The following HCRTR2 variants were observed in gnomAD, a reference collection of about 807,000 sequenced individuals.
The protein encoded by HCRTR2 is hypocretin receptor 2.
In HCRTR2, 22 loss-of-function variants were observed where a neutral mutation model predicts 49.0. The observed-to-expected ratio is 0.45, with a 90% confidence interval of 0.32 to 0.64. The LOEUF is 0.64. Among genes scored for constraint, HCRTR2 ranks in the 30% least tolerant of loss-of-function variants. HCRTR2 has a pLI of 0.04. For synonymous variants in HCRTR2, 236 were observed against 205.3 expected (o/e 1.15, Z -1.28); for missense variants, 491 against 559.4 (o/e 0.88, Z 1.23).
chr6:55,215,864 T>A (rs564493615), intron 1 of HCRTR2, among the ~76,000 whole-genome samples: 1 of 152,350 alleles, frequency 6.6e-6, no homozygotes, highest in South Asian at 2.1e-4. Flanking sequence ...TCCATTTTTA[T>A]TTTGCTATAA....
intron 1 of HCRTR2, among the ~76,000 whole-genome samples, chr6:55,141,627 A>G (rs1438504198): frequency 6.6e-6 from 1 of 152,190 alleles, no homozygotes; most frequent in African/African-American, 2.4e-5. Context: ...GATATATCCC[A>G]AATGGATAAT....
Position 55,253,692 on chromosome 6 carries a change from C to T in HCRTR2, c.403-1444C>T, listed in dbSNP as rs141016834. On this transcript the variant is annotated intron_variant, in intron 2 of 6. Coordinates refer to ENST00000370862, the MANE Select transcript of HCRTR2 (RefSeq NM_001384272.1). Reference sequence around the variant, plus strand: ...TACATATACACCATGGAATACTATGCAACCATAAAAAAGAATGAGATCATG... The same window carrying T: ...TACATATACACCATGGAATACTATGTAACCATAAAAAAGAATGAGATCATG... Among the ~76,000 whole-genome samples the T allele has an allele frequency of 3.1e-3, 470 of 152,206 alleles. 2 individuals carry two copies. Among genetic ancestry groups the T allele is most frequent in the African/African-American group, 0.011 (438 of 41,526 alleles).
chr6:55,238,683 G>C (rs1365906430), intron 1 of HCRTR2, among the ~76,000 whole-genome samples: 2 of 152,128 alleles, frequency 1.3e-5, no homozygotes, highest in South Asian at 4.1e-4. Flanking sequence ...GTAGGAGAGA[G>C]AGCCAAGAAC....
chr6:55,255,433 A>G, intron 3 of HCRTR2, 54 bp downstream of exon 3: 1 of 1,598,908 alleles, frequency 6.3e-7, no homozygotes, highest in Non-Finnish European at 8.6e-7. Flanking sequence ...GCAAATTGAA[A>G]ATTGGATTAG....
chr6:55,129,153 C>T (rs1764320596), intron 1 of HCRTR2, among the ~76,000 whole-genome samples: 1 of 152,126 alleles, frequency 6.6e-6, no homozygotes, highest in Non-Finnish European at 1.5e-5. Context: ...TTAATCAACT[C>T]TCCTACGTTT....
rs116125750 is a variant in HCRTR2 at position 55,259,997 on chromosome 6, A to T, written c.647-3710A>T. Among the ~76,000 whole-genome samples, 683 of 152,242 alleles carry T rather than the reference A, an allele frequency of 4.5e-3. 8 individuals are homozygous for T. Among genetic ancestry groups the T allele is most frequent in the African/African-American group, 0.016 (644 of 41,546 alleles). ...ACAATCTATCCTACCCTGGAAGGAT[A>T]ATTTTGCTTGATCTTTTTTCCATAT... On this transcript the variant is annotated intron_variant, in intron 3 of 6. Coordinates refer to ENST00000370862, the MANE Select transcript of HCRTR2 (RefSeq NM_001384272.1).
At chr6:55,153,019 G>T (rs1764683494) in intron 1 of HCRTR2, among the ~76,000 whole-genome samples, 1 of 151,862 alleles carries the variant, frequency 6.6e-6, no homozygotes, top group Non-Finnish European at 1.5e-5. Context: ...GGAGCTTATG[G>T]TCATCTTTTA....
At chr6:55,199,115 G>T (rs1368131153) in intron 1 of HCRTR2, among the ~76,000 whole-genome samples, 1 of 152,174 alleles carries the variant, frequency 6.6e-6, no homozygotes, top group Non-Finnish European at 1.5e-5. Context: ...TCTGAAAGGA[G>T]AATTAGGTTA....
intron 1 of HCRTR2, among the ~76,000 whole-genome samples, chr6:55,196,483 C>G (rs563409369): frequency 6.6e-6 from 1 of 152,286 alleles, no homozygotes; most frequent in East Asian, 1.9e-4. Flanking sequence ...ACATTAAAAA[C>G]AAATCATCTA....
intron 1 of HCRTR2, among the ~76,000 whole-genome samples, chr6:55,123,758 CA>C (rs879190099): frequency 6.6e-6 from 1 of 151,960 alleles, no homozygotes; most frequent in Non-Finnish European, 1.5e-5. Context: ...TCTGGTCCTG[CA>C]CTTATTTTGG....
intron 1 of HCRTR2, among the ~76,000 whole-genome samples, chr6:55,167,069 T>C (rs1764887884): frequency 6.6e-6 from 1 of 152,124 alleles, no homozygotes; most frequent in South Asian, 2.1e-4. Flanking sequence ...GAATTAGTAG[T>C]GCTGATGGTG....
rs755844571 is a variant in HCRTR2, at chr6:55,174,612, TC to T, written c.32del (p.Pro11LeufsTer11). On this transcript the variant is annotated frameshift_variant, in exon 1 of 7. Transcript: ENST00000370862. LOFTEE classifies it high-confidence loss of function. The stretch of plus-strand genomic sequence containing the variant: ...GATGTCCGGCACCAAATTGGAGGAC[TC>T]CCCCCCTTGTCGCAACTGGTCATCT... MSGTKLED[S>X]PPCRNWSSAS... The T allele has an allele frequency of 1.1e-5, 18 of 1,613,406 alleles. No homozygotes were observed. Among genetic ancestry groups the T allele is most frequent in the Non-Finnish European group, 1.5e-5 (18 of 1,179,842 alleles).
rs1554171107 is a variant in HCRTR2, at chr6:55,192,413, GCACACA to G, written c.223+17624_223+17629del. Among the ~76,000 whole-genome samples, 210 of 128,520 alleles carry G rather than the reference GCACACA, an allele frequency of 1.6e-3. 4 individuals carry two copies. In the East Asian group the frequency reaches 0.017, roughly 10 times the overall value. The allele number at this position is 128,520 out of a possible 152,430, so 84.3% of individuals were successfully genotyped here. On this transcript the variant is annotated intron_variant, in intron 1 of 6. Transcript: ENST00000370862. ...TAAACACACACACACGCGCGCGCGC[GCACACA>G]CACACACACACACACACACAAATTA... is the stretch of plus-strand genomic sequence containing the variant.
At chr6:55,122,152 G>C (rs1198210590) in intron 1 of HCRTR2, among the ~76,000 whole-genome samples, 2 of 152,090 alleles carry the variant, frequency 1.3e-5, no homozygotes, top group Admixed American at 1.3e-4. Context: ...CCTGTTATTG[G>C]TCTATTCAGA....
chr6:55,280,289 A>T (rs1262494991), intron 5 of HCRTR2, 34 bp from the exon 6 acceptor site: 1 of 1,385,980 alleles, frequency 7.2e-7, no homozygotes, highest in Non-Finnish European at 1.0e-6. Flanking sequence ...TTAATTATTT[A>T]AAAGACACTT....
At position 55,280,502 on chromosome 6, in the gene HCRTR2, T is replaced by G. The variant is rs1767168662; in HGVS notation, c.1105+58T>G. On this transcript the variant is annotated intron_variant, in intron 6 of 6. Coordinates refer to ENST00000370862, the MANE Select transcript of HCRTR2 (RefSeq NM_001384272.1). ...ATTGTAACCAAGGATGAGGAATCAA[T>G]GAACACTCTTCAACTATATGAGGAG... is the stretch of plus-strand genomic sequence containing the variant. 5.0e-6 allele frequency: 8 copies of G among 1,604,314 alleles called. No homozygotes were observed. The South Asian group carries it at 8.8e-5, about 18-fold the overall frequency.
intron 1 of HCRTR2, among the ~76,000 whole-genome samples, chr6:55,237,057 A>G (rs2127302951): frequency 6.6e-6 from 1 of 152,100 alleles, no homozygotes; most frequent in Non-Finnish European, 1.5e-5. Context: ...TAATCCTATT[A>G]GATGGTTTTA....
chr6:55,170,661 G>A (rs879855514), upstream of HCRTR2, among the ~76,000 whole-genome samples: 4 of 151,430 alleles, frequency 2.6e-5, no homozygotes, highest in East Asian at 1.9e-4. Context: ...GTATGCATGC[G>A]CCATGTTGGT....
At chr6:55,195,903 G>T (rs1031711766) in intron 1 of HCRTR2, among the ~76,000 whole-genome samples, 1 of 152,120 alleles carries the variant, frequency 6.6e-6, no homozygotes, top group Non-Finnish European at 1.5e-5. Flanking sequence ...AGGAGGCAGA[G>T]CTTGCTTGCA....
Sources: allele counts gnomAD v4.1 joint callset (sites outside exome capture counted in the v4.1 genomes callset), GRCh38; gene constraint gnomAD v4.1.1; transcripts MANE v1.5; gene names NCBI Gene and HGNC (gene_info 2026-07-23, HGNC 2026-07-21).